ADAMTS9: variants seen among roughly 807,000 people sequenced by gnomAD.
ADAMTS9 encodes ADAM metallopeptidase with thrombospondin type 1 motif 9, also known as A disintegrin and metalloproteinase with thrombospondin motifs 9.
Under a neutral mutation model 257.1 loss-of-function variants are expected in ADAMTS9, and 107 were observed. The ratio of observed to expected loss-of-function variants is 0.42; its 90% CI spans 0.36 to 0.49. ADAMTS9 has a LOEUF of 0.49. ADAMTS9 is among the 20% of genes least tolerant of loss of function. ADAMTS9 has a pLI of 0.03. For synonymous variants in ADAMTS9, 982 were observed against 880.9 expected, an observed-to-expected ratio of 1.11 and a Z score of -2.03; for missense variants, 2,353 against 2,469.1, an observed-to-expected ratio of 0.95 and a Z score of 1.00.
intron 38 of ADAMTS9, among the ~76,000 whole-genome samples, chr3:64,532,944 T>C (rs2083001516): frequency 6.6e-6 from 1 of 152,200 alleles, no homozygotes; most frequent in Admixed American, 6.5e-5. Context: ...TGTTCACCTC[T>C]CGAGGAAGAA....
chr3:64,655,620 G>A lies in ADAMTS9; in HGVS notation c.1125C>T (p.Asn375=), dbSNP rs746618862. Residue 375 remains asparagine, a synonymous_variant, in exon 6 of 40, where the codon AAC becomes AAT. Coordinates refer to ENST00000498707, the MANE Select transcript of ADAMTS9 (RefSeq NM_182920.2). The stretch of plus-strand genomic sequence containing the variant: ...TATCATGATGGATTCCACCTGGACT[G>A]TTCTTCGAATGCTGCCACTGGCAAA... The part of the protein sequence containing the change: ...KNFCQWQHSK[N]SPGGIHHDTA... 2 of 1,614,154 alleles carry A rather than the reference G, an allele frequency of 1.2e-6. No individual in the cohort carries two copies. The highest frequency in any genetic ancestry group is 1.7e-6 in the Non-Finnish European group (2 of 1,180,010).
chr3:64,537,612 G>C (rs76485931), intron 37 of ADAMTS9, among the ~76,000 whole-genome samples: 2,750 of 152,278 alleles, frequency 0.018, 63 homozygotes, highest in South Asian at 0.024. Flanking sequence ...ACGTTCAGAT[G>C]TGTTTGTCTT....
In ADAMTS9 at chr3:64,631,799, G is replaced by T; in HGVS notation, c.2293+9C>A. 1.2e-6 allele frequency: 2 copies of T among 1,603,382 alleles called. No individual in the cohort carries two copies. Among genetic ancestry groups the T allele is most frequent in the Non-Finnish European group, 1.7e-6 (2 of 1,171,080 alleles). On this transcript the variant is annotated intron_variant, in intron 15 of 39. Transcript: ENST00000498707. ...TTCCTTCTCATGGTTCTTAGGAGCA[G>T]ATTCTTACCATAATGTACTGTATTA...
chr3:64,600,710 G>C (rs2084444580), intron 26 of ADAMTS9, among the ~76,000 whole-genome samples: 1 of 152,214 alleles, frequency 6.6e-6, no homozygotes, highest in African/African-American at 2.4e-5. Flanking sequence ...TGGAAAGCAA[G>C]AGAGGGGGAT....
intron 30 of ADAMTS9, among the ~76,000 whole-genome samples, chr3:64,556,681 G>A (rs965967455): frequency 6.6e-6 from 1 of 152,004 alleles, no homozygotes; most frequent in Non-Finnish European, 1.5e-5. Flanking sequence ...AAAGATGAAA[G>A]TCCATCAATT....
At chr3:64,569,400 C>T (rs2083623058) in intron 28 of ADAMTS9, among the ~76,000 whole-genome samples, 1 of 152,054 alleles carries the variant, frequency 6.6e-6, no homozygotes. Context: ...CACATTATTT[C>T]CCAATATAAT....
chr3:64,679,500 A>T (rs1348146407), intron 3 of ADAMTS9, among the ~76,000 whole-genome samples: 1 of 152,244 alleles, frequency 6.6e-6, no homozygotes, highest in Non-Finnish European at 1.5e-5. Context: ...TGGTACATGT[A>T]CAGTGCTTTG....
chr3:64,534,699 T>C (rs1462329819), intron 37 of ADAMTS9, among the ~76,000 whole-genome samples: 1 of 152,170 alleles, frequency 6.6e-6, no homozygotes, highest in Non-Finnish European at 1.5e-5. Flanking sequence ...ACTAAATCAG[T>C]GGTTCTCAAC....
At position 64,517,424 on chromosome 3, in the gene ADAMTS9, T is replaced by TTTTTG. The variant is rs60462596; in HGVS notation, c.*6-304_*6-303insCAAAA. 9.7e-5 allele frequency among the ~76,000 whole-genome samples: 12 copies of TTTTTG among 123,276 alleles called. 2 individuals carry two copies. The highest frequency in any genetic ancestry group is 2.4e-4 in the African/African-American group (8 of 33,240). The allele number at this position is 123,276 out of a possible 152,430, so 80.9% of individuals were successfully genotyped here. On this transcript the variant is annotated intron_variant, in intron 39 of 39. Coordinates refer to ENST00000498707, the MANE Select transcript of ADAMTS9 (RefSeq NM_182920.2). ...CCAGCTAATTAAAAATGGTTTTTTTTTTTTTTTTTTTTTTTGCAGAAATGG... is the reference window on the plus strand; with the variant it reads ...CCAGCTAATTAAAAATGGTTTTTTTTTTTTGTTTTTTTTTTTTTTTGCAGAAATGG...
intron 37 of ADAMTS9, 109 bp downstream of exon 37, chr3:64,539,094 T>C (rs2083088888): frequency 2.6e-6 from 3 of 1,154,952 alleles, no homozygotes; most frequent in Non-Finnish European, 2.6e-6. Flanking sequence ...CAAACTGCCC[T>C]CTAGAGCAAC....
intron 28 of ADAMTS9, among the ~76,000 whole-genome samples, chr3:64,593,968 T>C (rs1014991140): frequency 2.3e-4 from 24 of 103,982 alleles, no homozygotes; most frequent in African/African-American, 1.3e-3. Context: ...ATGATGTGTG[T>C]GTGTGTGTGT....
At chr3:64,619,718 C>T (rs559456668) in intron 19 of ADAMTS9, among the ~76,000 whole-genome samples, 1 of 152,086 alleles carries the variant, frequency 6.6e-6, no homozygotes, top group African/African-American at 2.4e-5. Context: ...GACTCTATTA[C>T]CATAACCATT....
chr3:64,626,282 G>T (rs1700218047), intron 16 of ADAMTS9, among the ~76,000 whole-genome samples: 1 of 152,156 alleles, frequency 6.6e-6, no homozygotes, highest in Admixed American at 6.5e-5. Context: ...AGGCCAGGTG[G>T]CTCCTAATCA....
At chr3:64,554,816 G>A (rs922183967) in intron 30 of ADAMTS9, among the ~76,000 whole-genome samples, 2 of 152,174 alleles carry the variant, frequency 1.3e-5, no homozygotes, top group African/African-American at 2.4e-5. Context: ...GAACTTCTCC[G>A]AATTTGAGGG....
At position 64,579,816 on chromosome 3, in the gene ADAMTS9, C is replaced by T. The variant is rs898070300; in HGVS notation, c.4357-11281G>A. 6.6e-5 allele frequency among the ~76,000 whole-genome samples: 10 copies of T among 152,326 alleles called. No homozygotes were observed. The South Asian group carries it at 2.1e-3, about 32-fold the overall frequency. On this transcript the variant is annotated intron_variant, in intron 28 of 39. Transcript: ENST00000498707. ...CTGTCTCCTGTCTCTTATATCCATTCAGTCCAAAACTAGCCACATATTCTT... is the reference window on the plus strand; with the variant it reads ...CTGTCTCCTGTCTCTTATATCCATTTAGTCCAAAACTAGCCACATATTCTT...
chr3:64,606,008 G>A (rs150038546), intron 23 of ADAMTS9, among the ~76,000 whole-genome samples: 316 of 152,278 alleles, frequency 2.1e-3, no homozygotes, highest in Non-Finnish European at 2.7e-3. Flanking sequence ...CCAAATGAGC[G>A]TAGTTCAGGC....
chr3:64,626,318 A>C (rs1023272463), intron 16 of ADAMTS9, among the ~76,000 whole-genome samples: 4 of 152,202 alleles, frequency 2.6e-5, no homozygotes, highest in African/African-American at 9.6e-5. Flanking sequence ...AGAGTCTACA[A>C]ACTACTAAAA....
At chr3:64,632,607 C>T (rs1203619233) in intron 14 of ADAMTS9, among the ~76,000 whole-genome samples, 3 of 152,188 alleles carry the variant, frequency 2.0e-5, no homozygotes, top group Non-Finnish European at 2.9e-5. Context: ...CTGAAACATA[C>T]ACTGACAATG....
chr3:64,646,699 T>G (rs993679691), intron 11 of ADAMTS9, among the ~76,000 whole-genome samples: 1 of 152,208 alleles, frequency 6.6e-6, no homozygotes, highest in Non-Finnish European at 1.5e-5. Flanking sequence ...TTTATATTTT[T>G]AAACTTTCAT....
Sources: gnomAD v4.1 joint callset for allele counts (sites outside exome capture counted in the v4.1 genomes callset) on GRCh38, gnomAD v4.1.1 for gene constraint, MANE v1.5 for transcripts, NCBI Gene and HGNC (gene_info 2026-07-23, HGNC 2026-07-21) for gene names.